Variants in VWF observed in about 807,000 individuals in gnomAD.
The protein encoded by VWF is Factor VIII related antigen.
A neutral mutation model predicts 308.6 loss-of-function variants in VWF; 176 were observed. That is an observed-to-expected ratio of 0.57 (90% CI 0.50 to 0.65). The LOEUF is 0.65. VWF is among the 30% of genes least tolerant of loss of function. VWF has a pLI of 0.00. For synonymous variants in VWF, 1,385 were observed against 1,443.4 expected (o/e 0.96, Z 0.92); for missense variants, 3,146 against 3,648.2 (o/e 0.86, Z 3.55).
chr12:6,092,616 A>AGAGAGAGAGAGAGAGAGTGT (rs1555073710), intron 6 of VWF, among the ~76,000 whole-genome samples: 2 of 96,622 alleles, frequency 2.1e-5, no homozygotes, highest in Non-Finnish European at 4.1e-5. Context: ...TGAGTGAGTG[A>AGAGAGAGAGAGAGAGAGTGT]GAGTGTGTGT....
At chr12:6,102,439 C>G (rs972422762) in intron 5 of VWF, among the ~76,000 whole-genome samples, 9 of 149,282 alleles carry the variant, frequency 6.0e-5, no homozygotes, top group African/African-American at 2.2e-4. Flanking sequence ...AAGACTGTCT[C>G]AAAAAAACAA....
Position 6,116,866 on chromosome 12 carries a change from C to T in VWF, c.220+4308G>A, listed in dbSNP as rs116033267. On this transcript the variant is annotated intron_variant, in intron 3 of 51. Transcript: ENST00000261405. The stretch of plus-strand genomic sequence containing the variant: ...GGGAGGAATGTGGATGTGCGATTTA[C>T]GGTCAAGGAGACAGGATGTCATTGC... Among the ~76,000 whole-genome samples, 1,512 of 152,278 alleles carry T rather than the reference C, an allele frequency of 9.9e-3. 39 individuals carry two copies. The highest frequency in any genetic ancestry group is 0.035 in the African/African-American group (1,435 of 41,552).
In VWF at chr12:5,960,056, TAATAATA is replaced by T. The variant is rs1413597191; in HGVS notation, c.7888-6469_7888-6463del. On this transcript the variant is annotated intron_variant, in intron 47 of 51. Transcript: ENST00000261405. ...TTGGATCTTTGAAAGATTAATAATA[TAATAATA>T]TATAATATAATAATAATTAATATAT... 2.0e-5 allele frequency among the ~76,000 whole-genome samples: 3 copies of T among 147,566 alleles called. No individual in the cohort carries two copies. The East Asian group carries it at 5.8e-4, about 29-fold the overall frequency.
At chr12:5,982,209 A>G (rs955731626) in intron 41 of VWF, among the ~76,000 whole-genome samples, 2 of 152,164 alleles carry the variant, frequency 1.3e-5, no homozygotes, top group South Asian at 2.1e-4. Context: ...TGAAGCTAGG[A>G]ACTCTAATGG....
Position 6,034,756 on chromosome 12 carries a change from C to T in VWF, c.2617G>A (p.Ala873Thr). 5 of 1,614,220 alleles carry T rather than the reference C, an allele frequency of 3.1e-6. No homozygotes were observed. The highest frequency in any genetic ancestry group is 1.3e-5 in the African/African-American group (1 of 75,058). ...CDATCSTIGM[A>T]HYLTFDGLKY... Reference sequence around the variant, plus strand: ...AGCCCGTCGAAGGTGAGGTAGTGGGCCATGCCGATCGTGGAGCACGTGGCA... The same window carrying T: ...AGCCCGTCGAAGGTGAGGTAGTGGGTCATGCCGATCGTGGAGCACGTGGCA... The change falls in exon 20 of 52, where the codon GCC becomes ACC. Residue 873 changes from alanine (A) to threonine (T), a missense_variant. By Grantham distance (58) the Ala-to-Thr change is moderately conservative. Around this residue, in one of 3 missense-constraint regions of VWF, gnomAD observed 1,304 missense variants for 1,353.0 expected, o/e 0.96. Coordinates refer to ENST00000261405, the MANE Select transcript of VWF (RefSeq NM_000552.5).
intron 42 of VWF, among the ~76,000 whole-genome samples, chr12:5,976,912 G>T (rs1338807771): frequency 6.6e-6 from 1 of 152,192 alleles, no homozygotes; most frequent in Admixed American, 6.5e-5. Context: ...CCTTTTGTTG[G>T]AATGAGGAGC....
At chr12:6,121,981 C>T (rs1000219336) in intron 2 of VWF, among the ~76,000 whole-genome samples, 1 of 151,600 alleles carries the variant, frequency 6.6e-6, no homozygotes, top group Admixed American at 6.6e-5. Flanking sequence ...AAGTTAAAAC[C>T]ATCTGTAACC....
At position 6,075,473 on chromosome 12, in the gene VWF, A is replaced by C. The variant is rs761093365; in HGVS notation, c.736T>G (p.Phe246Val). 1 of 1,614,128 alleles carries C rather than the reference A, an allele frequency of 6.2e-7. No homozygotes were observed. Among genetic ancestry groups the C allele is most frequent in the Non-Finnish European group, 8.5e-7 (1 of 1,180,002 alleles). ...RCHPLVDPEP[F>V]VALCEKTLCE... The stretch of plus-strand genomic sequence containing the variant: ...AAAGTCTTCTCACACAGGGCCACAA[A>C]AGGCTCGGGGTCCACCAGAGGGTGG... The change falls in exon 7 of 52, where the codon TTT (phenylalanine) becomes GTT (valine). Residue 246 changes from phenylalanine (F) to valine (V), a missense_variant. Physicochemically the swap from Phe to Val is conservative, Grantham distance 50. Transcript: ENST00000261405. This position sits in a 1 kb window ranked among gnomAD's most constrained non-coding sequence, Gnocchi z 4.7.
intron 18 of VWF, 69 bp from the exon 19 acceptor site, chr12:6,036,560 C>A (rs1944339379): frequency 6.9e-7 from 1 of 1,442,716 alleles, no homozygotes; most frequent in Admixed American, 1.8e-5. Flanking sequence ...CCAGCCCGCT[C>A]CAGGAAGTGT....
At chr12:6,108,121 T>C (rs1312177250) in intron 5 of VWF, among the ~76,000 whole-genome samples, 3 of 151,456 alleles carry the variant, frequency 2.0e-5, no homozygotes, top group Non-Finnish European at 4.4e-5. Flanking sequence ...TGCTGAAACC[T>C]CATCTCTACT....
chr12:5,963,803 A>G (rs1356943409), intron 47 of VWF, among the ~76,000 whole-genome samples: 1 of 152,242 alleles, frequency 6.6e-6, no homozygotes, highest in Non-Finnish European at 1.5e-5. Flanking sequence ...CCTTATTTAT[A>G]TCTGCATCGG....
chr12:6,043,859 A>G (rs539371697), intron 18 of VWF, among the ~76,000 whole-genome samples: 22 of 152,352 alleles, frequency 1.4e-4, no homozygotes, highest in African/African-American at 5.3e-4. Flanking sequence ...CAGGGCCATC[A>G]ATGTCTTTTT....
chr12:6,080,213 T>C (rs1258421000), intron 6 of VWF, among the ~76,000 whole-genome samples: 1 of 152,208 alleles, frequency 6.6e-6, no homozygotes, highest in Admixed American at 6.5e-5. Flanking sequence ...CTGCAAGCTT[T>C]TCAAAGACAG....
intron 15 of VWF, among the ~76,000 whole-genome samples, chr12:6,053,451 G>A (rs1401011951): frequency 6.6e-6 from 1 of 152,178 alleles, no homozygotes; most frequent in African/African-American, 2.4e-5. Context: ...AAAGAAAACA[G>A]TCCCTTTGAG....
chr12:6,121,699 G>A (rs931060343), intron 2 of VWF, among the ~76,000 whole-genome samples: 1 of 152,198 alleles, frequency 6.6e-6, no homozygotes, highest in African/African-American at 2.4e-5. Flanking sequence ...GGGAGGCCGA[G>A]GTGGGCAGAT....
At chr12:5,986,714 CTG>C in intron 38 of VWF, among the ~76,000 whole-genome samples, 1 of 152,188 alleles carries the variant, frequency 6.6e-6, no homozygotes, top group Non-Finnish European at 1.5e-5. Context: ...ATGCCACCTG[CTG>C]TGTGCCACTG....
At chr12:6,049,384 G>A (rs1047283081) in intron 16 of VWF, among the ~76,000 whole-genome samples, 8 of 152,138 alleles carry the variant, frequency 5.3e-5, no homozygotes, top group African/African-American at 1.9e-4. Context: ...CCCAAAGCCA[G>A]GGTCACTCCC....
chr12:6,085,679 C>G (rs1944960043), intron 6 of VWF, among the ~76,000 whole-genome samples: 1 of 122,574 alleles, frequency 8.2e-6, no homozygotes, highest in African/African-American at 3.2e-5. Flanking sequence ...CACATGGACA[C>G]AGGGAGGGGA....
At position 6,091,049 on chromosome 12, in the gene VWF, A is replaced by G. The variant is rs531476693; in HGVS notation, c.657+4411T>C. Reference sequence around the variant, plus strand: ...ATCCAGGTGATGCAGACTTTGATGGACTAACCAGAGGACCTAGCACCACCA... The same window carrying G: ...ATCCAGGTGATGCAGACTTTGATGGGCTAACCAGAGGACCTAGCACCACCA... On this transcript the variant is annotated intron_variant, in intron 6 of 51. Transcript: ENST00000261405. 3.3e-5 allele frequency among the ~76,000 whole-genome samples: 5 copies of G among 152,324 alleles called. No homozygotes were observed. In the East Asian group the frequency reaches 9.7e-4, roughly 29 times the overall value.
Sources: gnomAD v4.1 joint callset for allele counts (sites outside exome capture counted in the v4.1 genomes callset) on GRCh38, gnomAD v4.1.1 for gene constraint, gnomAD v4.1.1 regional missense constraint, Gnocchi (gnomAD v3.1) non-coding constraint, MANE v1.5 for transcripts, NCBI Gene and HGNC (gene_info 2026-07-23, HGNC 2026-07-21) for gene names.